The following NMNAT3 variants were observed in gnomAD, a reference collection of about 807,000 sequenced individuals.
The protein encoded by NMNAT3 is nicotinamide nucleotide adenylyltransferase 3.
In NMNAT3, 21 loss-of-function variants were observed where a neutral mutation model predicts 24.8. The observed-to-expected ratio is 0.85, with a 90% CI of 0.60 to 1.22. NMNAT3 has a LOEUF of 1.22. Among genes scored for constraint, NMNAT3 ranks in the 50% most tolerant of loss-of-function variants. The pLI is 0.00. For missense variants in NMNAT3, 387 were observed against 436.6 expected (o/e 0.89, Z 1.01); for synonymous variants, 136 against 155.2 (o/e 0.88, Z 0.92).
rs774760779 is a variant in NMNAT3, at chr3:139,578,929, C to T, written c.518G>A (p.Arg173Gln). 2.1e-5 allele frequency: 34 copies of T among 1,614,040 alleles called. No individual in the cohort carries two copies. In the Middle Eastern group the frequency reaches 4.9e-4, roughly 23 times the overall value. Residue 173 changes from arginine to glutamine, a missense_variant, in exon 5 of 7, where the codon CGG becomes CAG. Arg to Gln is a conservative substitution (Grantham distance 43). Transcript: ENST00000643695. ...CTGCTCACTCTCCCAAGGGTCCACC[C>T]GGATCCAGTCGGATGTCTGCAGGGC...
At chr3:139,675,233 C>A (rs535672901) in intron 1 of NMNAT3, among the ~76,000 whole-genome samples, 1 of 151,646 alleles carries the variant, frequency 6.6e-6, no homozygotes, top group Non-Finnish European at 1.5e-5. Flanking sequence ...CTGATTCATG[C>A]CTTTTTGGCC....
chr3:139,596,198 A>G (rs182582382), intron 3 of NMNAT3, among the ~76,000 whole-genome samples: 53 of 152,210 alleles, frequency 3.5e-4, no homozygotes, highest in Admixed American at 3.5e-3. Context: ...GCCCTGTCAG[A>G]GCCTGGGGAG....
intron 3 of NMNAT3, among the ~76,000 whole-genome samples, chr3:139,624,939 A>G (rs1194630737): frequency 6.6e-6 from 1 of 152,218 alleles, no homozygotes; most frequent in African/African-American, 2.4e-5. Context: ...TGAGAAGAGC[A>G]TTAAAATAGC....
intron 4 of NMNAT3, among the ~76,000 whole-genome samples, chr3:139,582,102 G>A (rs2053647949): frequency 6.7e-6 from 1 of 149,850 alleles, no homozygotes; most frequent in African/African-American, 2.5e-5. Context: ...GGCTGAGGCA[G>A]GAGAATCGCC....
At chr3:139,654,136 T>C (rs897078540) in intron 1 of NMNAT3, among the ~76,000 whole-genome samples, 2 of 152,206 alleles carry the variant, frequency 1.3e-5, no homozygotes. Context: ...TTTACTTCCC[T>C]GTGGATAGGA....
At chr3:139,656,018 T>C (rs1227069216) in intron 1 of NMNAT3, among the ~76,000 whole-genome samples, 2 of 152,230 alleles carry the variant, frequency 1.3e-5, no homozygotes, top group Admixed American at 6.5e-5. Flanking sequence ...CTCAGATGCA[T>C]CCAAGCAACT....
intron 5 of NMNAT3, chr3:139,576,289 A>G: frequency 2.1e-6 from 2 of 966,404 alleles, no homozygotes; most frequent in South Asian, 9.7e-5. Flanking sequence ...AATCAAACAC[A>G]AATGCAGTTG....
chr3:139,599,125 G>A (rs906201606), intron 3 of NMNAT3: 1 of 564,248 alleles, frequency 1.8e-6, no homozygotes, highest in Admixed American at 3.3e-5. Flanking sequence ...AAACTGTAAA[G>A]ACTTCATTAT....
chr3:139,603,805 AC>A (rs111654670), intron 3 of NMNAT3, among the ~76,000 whole-genome samples: 7,226 of 152,200 alleles, frequency 0.047, 561 homozygotes, highest in African/African-American at 0.17. Context: ...TGCAAACATC[AC>A]CACTACTGCT....
At position 139,632,143 on chromosome 3, in the gene NMNAT3, G is replaced by T. The variant is rs369151572; in HGVS notation, c.-40-4379C>A. ...AATAGGTACTCAGGAAATGTGTGTG[G>T]AAAGAACAACAGAGTCAGTGTCTAT... On this transcript the variant is annotated intron_variant, in intron 2 of 6. Transcript: ENST00000643695. Among the ~76,000 whole-genome samples the T allele has an allele frequency of 1.5e-4, 23 of 152,170 alleles. No homozygotes were observed. In the South Asian group the frequency reaches 3.3e-3, roughly 22 times the overall value.
chr3:139,583,215 T>C lies in NMNAT3; in HGVS notation c.110-7A>G, dbSNP rs931883251. On this transcript the variant is annotated splice_region_variant and splice_polypyrimidine_tract_variant and intron_variant, in intron 3 of 6. Coordinates refer to ENST00000643695, the MANE Select transcript of NMNAT3 (RefSeq NM_001320510.2). ...TGGTCCTTTTCTTCATATTCTGGAA[T>C]ACAAGAAAACGTGTAAATGTTTGCA... is the stretch of plus-strand genomic sequence containing the variant. 46 of 1,200,626 alleles carry C rather than the reference T, an allele frequency of 3.8e-5. No individual in the cohort carries two copies. The highest frequency in any genetic ancestry group is 3.8e-4 in the Middle Eastern group (2 of 5,264). 74.4% of individuals were successfully genotyped at this position (1,200,626 alleles called of 1,614,324 possible). A position where few individuals can be genotyped will look rare whatever the true frequency, so the allele number is the denominator to read the frequency against.
At chr3:139,641,377 G>T (rs1004283563) in intron 1 of NMNAT3, among the ~76,000 whole-genome samples, 4 of 152,132 alleles carry the variant, frequency 2.6e-5, no homozygotes, top group African/African-American at 9.7e-5. Context: ...CTTTTTCTAG[G>T]CCATTGTGAT....
intron 6 of NMNAT3, among the ~76,000 whole-genome samples, chr3:139,561,997 A>G (rs1426850376): frequency 1.3e-5 from 2 of 152,204 alleles, no homozygotes; most frequent in African/African-American, 4.8e-5. Flanking sequence ...AATGTGGATA[A>G]TCCTTTGGAA....
Position 139,669,893 on chromosome 3 carries a change from A to C in NMNAT3, c.-141+7812T>G, listed in dbSNP as rs1428479892. 4.6e-5 allele frequency among the ~76,000 whole-genome samples: 7 copies of C among 152,366 alleles called. No homozygotes were observed. The East Asian group carries it at 1.3e-3, about 29-fold the overall frequency. The stretch of plus-strand genomic sequence containing the variant: ...CTACAAGAGAGGAAAAAACATTGCC[A>C]TAATAAAGATAAACCTTACACACTC... On this transcript the variant is annotated intron_variant, in intron 1 of 6. Coordinates refer to ENST00000643695, the MANE Select transcript of NMNAT3 (RefSeq NM_001320510.2).
chr3:139,637,046 C>A (rs1032918646), intron 2 of NMNAT3: 1 of 152,204 alleles, frequency 6.6e-6, no homozygotes, highest in South Asian at 2.1e-4. Flanking sequence ...GGTACACAGA[C>A]GTCTGCCTGA....
Position 139,654,010 on chromosome 3 carries a change from G to C in NMNAT3, c.-140-15948C>G, listed in dbSNP as rs745962750. Among the ~76,000 whole-genome samples, 86 of 152,152 alleles carry C rather than the reference G, an allele frequency of 5.7e-4. 2 individuals carry two copies. The highest frequency in any genetic ancestry group is 1.9e-3 in the Admixed American group (29 of 15,262). ...CCCCCCTCTTGTCCCTCAGTGTCCA[G>C]GAGCTAGTAGAGTACAGAGCACACA... On this transcript the variant is annotated intron_variant, in intron 1 of 6. Coordinates refer to ENST00000643695, the MANE Select transcript of NMNAT3 (RefSeq NM_001320510.2).
At chr3:139,622,046 G>A (rs1186828283) in intron 3 of NMNAT3, among the ~76,000 whole-genome samples, 2 of 152,156 alleles carry the variant, frequency 1.3e-5, no homozygotes, top group Non-Finnish European at 2.9e-5. Context: ...ATAAACATGT[G>A]AGTACTGGTA....
At chr3:139,597,728 T>C (rs1198322101) in intron 3 of NMNAT3, among the ~76,000 whole-genome samples, 1 of 152,204 alleles carries the variant, frequency 6.6e-6, no homozygotes, top group African/African-American at 2.4e-5. Flanking sequence ...GACTTTGGAA[T>C]TGGCTATGAG....
intron 1 of NMNAT3, among the ~76,000 whole-genome samples, chr3:139,675,113 A>T (rs1393292846): frequency 2.3e-5 from 2 of 86,558 alleles, no homozygotes; most frequent in Non-Finnish European, 5.0e-5. Context: ...ATCTTTCCTT[A>T]CCTTCGTATT....
Sources: allele counts gnomAD v4.1 joint callset (sites outside exome capture counted in the v4.1 genomes callset), GRCh38; gene constraint gnomAD v4.1.1; transcripts MANE v1.5; gene names NCBI Gene and HGNC (gene_info 2026-07-23, HGNC 2026-07-21).